Variants in CAST observed in about 807,000 individuals in gnomAD.
The protein encoded by CAST is MIR583 host.
A neutral mutation model predicts 119.6 loss-of-function variants in CAST; 76 were observed. The observed-to-expected ratio is 0.64, with a 90% CI of 0.53 to 0.77. The LOEUF is 0.77. CAST is among the 30% of genes least tolerant of loss of function. The pLI is 0.00. For missense variants in CAST, 953 were observed against 946.5 expected, an observed-to-expected ratio of 1.01 and a Z score of -0.09; for synonymous variants, 319 against 331.6, an observed-to-expected ratio of 0.96 and a Z score of 0.41.
At chr5:96,470,463 A>C in the CAST span, among the ~76,000 whole-genome samples, 2 of 152,056 alleles carry the variant, frequency 1.3e-5, no homozygotes, top group East Asian at 1.9e-4. Flanking sequence ...CAAGACCAGC[A>C]TCTGAAAATC....
the CAST span, among the ~76,000 whole-genome samples, chr5:96,491,869 G>A: frequency 5.3e-3 from 802 of 152,332 alleles, 13 homozygotes; most frequent in African/African-American, 0.018. Flanking sequence ...CATAATTGGC[G>A]AGAAAGTTGC....
intron 1 of CAST, among the ~76,000 whole-genome samples, chr5:96,609,454 T>G (rs1337053467): frequency 1.3e-5 from 2 of 152,222 alleles, no homozygotes; most frequent in Non-Finnish European, 2.9e-5. Flanking sequence ...ACTAATAATC[T>G]TGTTAAAATC....
the CAST span, among the ~76,000 whole-genome samples, chr5:96,385,738 A>G: frequency 6.6e-6 from 1 of 152,238 alleles, no homozygotes; most frequent in Non-Finnish European, 1.5e-5. Context: ...AGAGTGGATG[A>G]TTCAAACTGT....
the CAST span, among the ~76,000 whole-genome samples, chr5:96,265,440 T>A: frequency 6.6e-6 from 1 of 151,658 alleles, no homozygotes; most frequent in East Asian, 1.9e-4. Context: ...AGCCATGGGG[T>A]AGAGGTTGGA....
At chr5:96,183,478 C>G in the CAST span, among the ~76,000 whole-genome samples, 2 of 152,000 alleles carry the variant, frequency 1.3e-5, no homozygotes, top group African/African-American at 4.8e-5. Context: ...AAAGAGATCC[C>G]TTAAAAGCTA....
At chr5:96,515,307 ATTGT>A in the CAST span, among the ~76,000 whole-genome samples, 2,821 of 46,980 alleles carry the variant, frequency 0.06, 61 homozygotes, top group African/African-American at 0.17. Flanking sequence ...ACAATGTTTG[ATTGT>A]TTGTTTGTTT....
chr5:96,466,712 T>C, the CAST span, among the ~76,000 whole-genome samples: 1 of 152,146 alleles, frequency 6.6e-6, no homozygotes, highest in Admixed American at 6.5e-5. Context: ...ATTAATTGTA[T>C]TACTGCTGTA....
At chr5:96,412,342 C>T in the CAST span, 1 of 1,614,148 alleles carries the variant, frequency 6.2e-7, no homozygotes, top group Non-Finnish European at 8.5e-7. Flanking sequence ...ATTCAAAAGC[C>T]TTCTGGGCTA....
chr5:96,192,196 A>T, the CAST span, among the ~76,000 whole-genome samples: 1 of 152,202 alleles, frequency 6.6e-6, no homozygotes, highest in African/African-American at 2.4e-5. Flanking sequence ...AGCAGCAGCA[A>T]TTTTTATAGC....
the CAST span, among the ~76,000 whole-genome samples, chr5:96,340,519 T>C: frequency 1.3e-5 from 2 of 152,230 alleles, no homozygotes; most frequent in Non-Finnish European, 1.5e-5. Context: ...TTGAATCAGC[T>C]TGTTGGCTCC....
intron 1 of CAST, among the ~76,000 whole-genome samples, chr5:96,576,971 T>C (rs773817191): frequency 2.6e-5 from 4 of 152,182 alleles, no homozygotes; most frequent in Non-Finnish European, 5.9e-5. Context: ...TTTTCCCTAA[T>C]GCTCTTCCCA....
intron 3 of CAST, among the ~76,000 whole-genome samples, chr5:96,706,212 A>T (rs1281172960): frequency 6.6e-6 from 1 of 152,238 alleles, no homozygotes; most frequent in African/African-American, 2.4e-5. Context: ...TCTAGGATTT[A>T]CAAGTAGAGT....
chr5:95,963,706 ACTTTT>A, the CAST span, among the ~76,000 whole-genome samples: 1 of 148,624 alleles, frequency 6.7e-6, no homozygotes, highest in Non-Finnish European at 1.5e-5. Flanking sequence ...CTGTACTTGA[ACTTTT>A]CTTTTCTCTC....
intron 1 of CAST, among the ~76,000 whole-genome samples, chr5:96,634,322 T>C (rs1020218356): frequency 1.3e-5 from 2 of 152,262 alleles, no homozygotes; most frequent in Admixed American, 1.3e-4. Context: ...GCACATCATC[T>C]GATCTTCATG....
the CAST span, among the ~76,000 whole-genome samples, chr5:96,372,954 T>A: frequency 7.3e-4 from 111 of 152,312 alleles, 1 homozygote; most frequent in South Asian, 0.016. Context: ...TCCAGGCGCA[T>A]CTAGGGAAGG....
chr5:96,195,801 G>C, the CAST span, among the ~76,000 whole-genome samples: 1 of 152,092 alleles, frequency 6.6e-6, no homozygotes, highest in Non-Finnish European at 1.5e-5. Context: ...TTATTTACAA[G>C]ATCAGCAACT....
chr5:96,022,605 A>G, the CAST span, among the ~76,000 whole-genome samples: 2,356 of 152,326 alleles, frequency 0.015, 52 homozygotes, highest in African/African-American at 0.053. Context: ...AATTCACGAC[A>G]TACAATCCAA....
chr5:96,282,659 TTTAAG>T, the CAST span, among the ~76,000 whole-genome samples: 1 of 152,208 alleles, frequency 6.6e-6, no homozygotes. Context: ...TTAAAACACT[TTTAAG>T]TTGTCACCTA....
chr5:96,237,380 G>T, the CAST span, among the ~76,000 whole-genome samples: 1 of 152,118 alleles, frequency 6.6e-6, no homozygotes, highest in Non-Finnish European at 1.5e-5. Context: ...TTTTTTGGGG[G>T]GAGTAGGGGT....
Sources: allele counts gnomAD v4.1 joint callset (sites outside exome capture counted in the v4.1 genomes callset), GRCh38; gene constraint gnomAD v4.1.1; transcripts MANE v1.5; gene names NCBI Gene and HGNC (gene_info 2026-07-23, HGNC 2026-07-21).